Variants in GSAP observed in about 807,000 individuals in gnomAD.
GSAP encodes the protein gamma-secretase-activating protein.
A neutral mutation model predicts 131.7 loss-of-function variants in GSAP; 118 were observed. The ratio of observed to expected loss-of-function variants is 0.90; its 90% CI spans 0.77 to 1.04. GSAP has a LOEUF of 1.04. Ranked by LOEUF, GSAP falls within the 50% of genes least tolerant of loss-of-function variation. The probability of loss-of-function intolerance (pLI) is 0.00; values close to 1 mark genes in which losing one functional copy is unlikely to be tolerated. For missense variants in GSAP, 1,019 were observed against 1,013.2 expected, an observed-to-expected ratio of 1.01 and a Z score of -0.08; for synonymous variants, 381 against 363.4, an observed-to-expected ratio of 1.05 and a Z score of -0.55.
At chr7:77,329,594 A>T (rs1217171379) in intron 20 of GSAP, 6 of 363,054 alleles carry the variant, frequency 1.7e-5, no homozygotes, top group Non-Finnish European at 3.0e-5. Flanking sequence ...ACTGCGAGTC[A>T]ACTATATACT....
At chr7:77,387,301 C>G in intron 6 of GSAP, 59 bp downstream of exon 6, 1 of 881,744 alleles carries the variant, frequency 1.1e-6, no homozygotes, top group South Asian at 1.3e-5. Context: ...AACCCCAATT[C>G]TTCTAGGCTG....
chr7:77,352,416 C>T (rs1031269046), intron 18 of GSAP, among the ~76,000 whole-genome samples: 6 of 152,164 alleles, frequency 3.9e-5, no homozygotes, highest in Non-Finnish European at 5.9e-5. Context: ...TGTTTTAGCT[C>T]AGCACATCCT....
At chr7:77,400,901 A>C (rs1263850474) in intron 3 of GSAP, among the ~76,000 whole-genome samples, 1 of 152,156 alleles carries the variant, frequency 6.6e-6, no homozygotes, top group Non-Finnish European at 1.5e-5. Context: ...GAAAAATACA[A>C]ATGGAAATTT....
At position 77,330,377 on chromosome 7, in the gene GSAP, AC is replaced by A; in HGVS notation, c.1546-11del. ...CCTTAAAGCTGAGCACCTGTAGGAG[AC>A]AAAAACATCAGTGGCCTTCAGAGGC... On this transcript the variant is annotated splice_polypyrimidine_tract_variant and intron_variant, in intron 19 of 30. Coordinates refer to ENST00000257626, the MANE Select transcript of GSAP (RefSeq NM_017439.4). 1 of 1,612,304 alleles carries A rather than the reference AC, an allele frequency of 6.2e-7. No homozygotes were observed. The highest frequency in any genetic ancestry group is 8.5e-7 in the Non-Finnish European group (1 of 1,179,010).
At chr7:77,334,283 T>C (rs1789608897) in intron 19 of GSAP, among the ~76,000 whole-genome samples, 1 of 152,006 alleles carries the variant, frequency 6.6e-6, no homozygotes, top group African/African-American at 2.4e-5. Flanking sequence ...GGGACACAGA[T>C]GGAGCTGGGA....
At chr7:77,369,683 T>C (rs1357167818) in intron 12 of GSAP, among the ~76,000 whole-genome samples, 1 of 152,240 alleles carries the variant, frequency 6.6e-6, no homozygotes, top group Non-Finnish European at 1.5e-5. Flanking sequence ...CAGTGAAGAA[T>C]TCAGCTTTCT....
intron 12 of GSAP, among the ~76,000 whole-genome samples, chr7:77,366,085 G>C (rs1331245361): frequency 1.3e-5 from 2 of 151,740 alleles, no homozygotes; most frequent in African/African-American, 4.8e-5. Context: ...CTTTTTAATG[G>C]AGTTGTTTTT....
chr7:77,336,388 G>A (rs1006553455), intron 19 of GSAP, among the ~76,000 whole-genome samples: 1 of 152,154 alleles, frequency 6.6e-6, no homozygotes, highest in Non-Finnish European at 1.5e-5. Flanking sequence ...CCTCCATCCT[G>A]GGTCTGTTCC....
At chr7:77,329,506 C>T (rs548532212) in intron 20 of GSAP, 115 bp from the exon 21 acceptor site, 27 of 461,624 alleles carry the variant, frequency 5.8e-5, no homozygotes, top group Non-Finnish European at 9.4e-5. Flanking sequence ...ATATACTTTC[C>T]AGGTAATCAG....
chr7:77,373,957 C>T (rs546970519), intron 12 of GSAP, 113 bp downstream of exon 12: 120 of 690,596 alleles, frequency 1.7e-4, no homozygotes, highest in Non-Finnish European at 2.6e-4. Context: ...TGATCACCGA[C>T]ATAAAAATGT....
intron 13 of GSAP, 59 bp from the exon 14 acceptor site, chr7:77,360,960 A>G (rs901755424): frequency 5.4e-6 from 5 of 931,912 alleles, no homozygotes; most frequent in Non-Finnish European, 8.9e-6. Flanking sequence ...ACTCCACCCA[A>G]GGCAGTGACT....
chr7:77,390,781 A>G (rs1051759909), intron 5 of GSAP, among the ~76,000 whole-genome samples: 2 of 151,214 alleles, frequency 1.3e-5, no homozygotes, highest in Non-Finnish European at 2.9e-5. Flanking sequence ...AAAAAATACA[A>G]ATCAATTACA....
In GSAP at chr7:77,397,398, C is replaced by A; in HGVS notation, c.261G>T (p.Glu87Asp). The A allele has an allele frequency of 6.3e-7, 1 of 1,597,820 alleles. No homozygotes were observed. The highest frequency in any genetic ancestry group is 8.6e-7 in the Non-Finnish European group (1 of 1,166,980). Residue 87 changes from glutamate (E) to aspartate (D), a missense_variant, in exon 4 of 31, where the codon GAG becomes GAT. Physicochemically the swap from Glu to Asp is conservative, Grantham distance 45. Transcript: ENST00000257626. ...TRQNELLYTF[E>D]KDLQVFSCSV... ...AGCAACTGAAAACTTGCAAGTCTTTCTCAAAGGTATATAGAAGCTATTAAA... is the reference window on the plus strand; with the variant it reads ...AGCAACTGAAAACTTGCAAGTCTTTATCAAAGGTATATAGAAGCTATTAAA...
At chr7:77,374,390 T>C (rs1584567538) in intron 11 of GSAP, among the ~76,000 whole-genome samples, 4 of 152,222 alleles carry the variant, frequency 2.6e-5, no homozygotes, top group African/African-American at 9.6e-5. Flanking sequence ...TACATTTTTA[T>C]AACTTTTCTG....
chr7:77,355,434 GCA>G lies in GSAP; in HGVS notation c.1121-6_1121-5del. On this transcript the variant is annotated splice_polypyrimidine_tract_variant and splice_region_variant and intron_variant, in intron 15 of 30. Coordinates refer to ENST00000257626, the MANE Select transcript of GSAP (RefSeq NM_017439.4). ...ATATCAATCATTTCATTATTTCCTGGCAAAAAAAAAAAAAACAGTAGATCAGC... is the reference window on the plus strand; with the variant it reads ...ATATCAATCATTTCATTATTTCCTGGAAAAAAAAAAAAACAGTAGATCAGC... The G allele has an allele frequency of 7.0e-7, 1 of 1,424,776 alleles. No individual in the cohort carries two copies. The highest frequency in any genetic ancestry group is 9.5e-7 in the Non-Finnish European group (1 of 1,056,452). The allele number at this position is 1,424,776 out of a possible 1,614,324, so 88.3% of individuals were successfully genotyped here. A position where few individuals can be genotyped will look rare whatever the true frequency, so the allele number is the denominator to read the frequency against.
chr7:77,376,157 C>T (rs754736579), intron 10 of GSAP, among the ~76,000 whole-genome samples: 4 of 152,170 alleles, frequency 2.6e-5, no homozygotes, highest in Non-Finnish European at 5.9e-5. Flanking sequence ...TTAAAGCTAT[C>T]TCTTACAGAC....
chr7:77,353,172 A>AT (rs1563006076), intron 17 of GSAP, 146 bp from the exon 18 acceptor site: 5 of 600,244 alleles, frequency 8.3e-6, no homozygotes, highest in South Asian at 2.0e-5. Context: ...TCATGATTTT[A>AT]TCTACTGACT....
chr7:77,337,464 C>T (rs963909302), intron 19 of GSAP, among the ~76,000 whole-genome samples: 3 of 152,112 alleles, frequency 2.0e-5, no homozygotes, highest in Middle Eastern at 3.2e-3. Context: ...TGTGAGCCAC[C>T]GCACCCAGCC....
intron 3 of GSAP, among the ~76,000 whole-genome samples, chr7:77,403,843 C>A (rs78638348): frequency 0.018 from 2,696 of 152,044 alleles, 92 homozygotes; most frequent in African/African-American, 0.06. Context: ...GATAACAGGA[C>A]CAAGAGATCG....
Sources: allele counts gnomAD v4.1 joint callset (sites outside exome capture counted in the v4.1 genomes callset), GRCh38; gene constraint gnomAD v4.1.1; transcripts MANE v1.5; gene names NCBI Gene and HGNC (gene_info 2026-07-23, HGNC 2026-07-21).